Variants in LGMN observed in about 807,000 individuals in gnomAD.
LGMN encodes asparaginyl endopeptidase.
In LGMN, 36 loss-of-function variants were observed where a neutral mutation model predicts 56.8. The observed-to-expected ratio is 0.63, with a 90% CI of 0.49 to 0.84. LGMN has a LOEUF of 0.84. Ranked by LOEUF, LGMN falls within the 40% of genes least tolerant of loss-of-function variation. The pLI, the probability that LGMN is intolerant of heterozygous loss-of-function variation, is 0.00. For synonymous variants in LGMN, 199 were observed against 210.1 expected (o/e 0.95, Z 0.46); for missense variants, 446 against 556.1 (o/e 0.80, Z 1.99).
chr14:92,738,521 G>C (rs1159223159), intron 1 of LGMN, among the ~76,000 whole-genome samples: 1 of 151,236 alleles, frequency 6.6e-6, no homozygotes, highest in Admixed American at 6.6e-5. Context: ...CTCATGATCT[G>C]CCTGTCTCAG....
At chr14:92,705,221 G>A (rs1889365599) in intron 12 of LGMN, among the ~76,000 whole-genome samples, 1 of 152,190 alleles carries the variant, frequency 6.6e-6, no homozygotes, top group African/African-American at 2.4e-5. Flanking sequence ...CCAAGACTGG[G>A]CCGGGTGCGG....
rs545000732 is a variant in LGMN at position 92,719,380 on chromosome 14, G to A, written c.139-536C>T. Among the ~76,000 whole-genome samples the A allele has an allele frequency of 9.9e-4, 117 of 117,958 alleles. 2 individuals are homozygous for A. The highest frequency in any genetic ancestry group is 3.3e-3 in the East Asian group (10 of 3,060). The allele number at this position is 117,958 out of a possible 152,430, so 77.4% of individuals were successfully genotyped here. On this transcript the variant is annotated intron_variant, in intron 2 of 13. Coordinates refer to ENST00000334869, the MANE Select transcript of LGMN (RefSeq NM_005606.7). ...CAACACCACCACCACCACCAACACC[G>A]CCACCAACACCGCCACCAACACCGC...
intron 10 of LGMN, among the ~76,000 whole-genome samples, chr14:92,711,002 G>C (rs536064772): frequency 6.6e-6 from 1 of 152,342 alleles, no homozygotes; most frequent in African/African-American, 2.4e-5. Context: ...TCTCCGCTGG[G>C]GGTGGGCTTC....
chr14:92,716,153 G>A lies in LGMN; in HGVS notation c.387C>T (p.Ser129=), dbSNP rs753820004. ...GACATTACCTCTTCAGGACTTTGCC[G>A]GATCCTATGCCCTTCACTGCTTCTG... ...GDAEAVKGIG[S]GKVLKSGPQD... is the part of the protein sequence containing the mutation. Residue 129 remains serine (S), a synonymous_variant, in exon 5 of 14, where the codon TCC becomes TCT. Transcript: ENST00000334869. 1.5e-5 allele frequency: 24 copies of A among 1,611,720 alleles called. No individual in the cohort carries two copies. The highest frequency in any genetic ancestry group is 3.3e-5 in the Admixed American group (2 of 59,856).
chr14:92,706,032 C>T (rs1889412606), intron 12 of LGMN, among the ~76,000 whole-genome samples: 1 of 152,172 alleles, frequency 6.6e-6, no homozygotes, highest in Non-Finnish European at 1.5e-5. Flanking sequence ...ATGCTACTGA[C>T]CAGGAGGCTT....
At chr14:92,706,410 C>G in intron 12 of LGMN, 73 bp downstream of exon 12, 1 of 1,294,284 alleles carries the variant, frequency 7.7e-7, no homozygotes, top group Non-Finnish European at 1.0e-6. Context: ...GGTCGTACAA[C>G]CAATGTGACT....
intron 2 of LGMN, among the ~76,000 whole-genome samples, chr14:92,719,339 TCACC>T (rs1890328700): frequency 1.5e-5 from 1 of 66,568 alleles, no homozygotes. Context: ...GCCACCGCCA[TCACC>T]GCCACCACCA....
rs1242110 is a variant in LGMN, at chr14:92,725,936, A to G, written c.138+6713T>C. On this transcript the variant is annotated intron_variant, in intron 2 of 13. Coordinates refer to ENST00000334869, the MANE Select transcript of LGMN (RefSeq NM_005606.7). The stretch of plus-strand genomic sequence containing the variant: ...CAACATGGATTAATCTCAAAACACC[A>G]TAAGTTATGAGCTCATCTGACCGGG... Among the ~76,000 whole-genome samples, 586 of 152,198 alleles carry G rather than the reference A, an allele frequency of 3.9e-3. 4 individuals are homozygous for G. Among genetic ancestry groups the G allele is most frequent in the African/African-American group, 0.013 (522 of 41,538 alleles).
chr14:92,730,199 G>A (rs866382047), intron 2 of LGMN, among the ~76,000 whole-genome samples: 8 of 152,154 alleles, frequency 5.3e-5, no homozygotes, highest in Admixed American at 2.6e-4. Flanking sequence ...AGCTGTGTGC[G>A]CGGGCTGCTC....
chr14:92,715,150 C>T (rs1371640463), intron 5 of LGMN, among the ~76,000 whole-genome samples: 1 of 152,022 alleles, frequency 6.6e-6, no homozygotes, highest in Non-Finnish European at 1.5e-5. Flanking sequence ...AGGCACACGC[C>T]ACCACGCCTG....
intron 1 of LGMN, among the ~76,000 whole-genome samples, chr14:92,747,906 G>C (rs1891889344): frequency 6.6e-6 from 1 of 152,150 alleles, no homozygotes; most frequent in Non-Finnish European, 1.5e-5. Context: ...ATCAAATAGG[G>C]ACGGGAAAGG....
chr14:92,746,171 T>C (rs1213138885), intron 1 of LGMN, among the ~76,000 whole-genome samples: 2 of 152,216 alleles, frequency 1.3e-5, no homozygotes, highest in East Asian at 3.8e-4. Context: ...TGTCAAACTT[T>C]GCAATTCCTA....
At chr14:92,746,906 G>A (rs1317464473) in intron 1 of LGMN, among the ~76,000 whole-genome samples, 1 of 152,044 alleles carries the variant, frequency 6.6e-6, no homozygotes, top group Non-Finnish European at 1.5e-5. Flanking sequence ...CGTGGTGGCG[G>A]GCGCCTGTAG....
At position 92,714,551 on chromosome 14, in the gene LGMN, G is replaced by A; in HGVS notation, c.405-100C>T. On this transcript the variant is annotated intron_variant, in intron 5 of 13. Transcript: ENST00000334869. The surrounding 1 kb of genome is among the most constrained non-coding windows in gnomAD (Gnocchi z 5.1). ...ATCAAAAAATTAAGAAGTTTGGGGA[G>A]TAGAGTTGCCCAACCAGGTTTGAAG... 1.2e-6 allele frequency: 1 copy of A among 859,776 alleles called. No homozygotes were observed. The highest frequency in any genetic ancestry group is 1.7e-5 in the South Asian group (1 of 59,730). The allele number at this position is 859,776 out of a possible 1,614,324, so 53.3% of individuals were successfully genotyped here. A position where few individuals can be genotyped will look rare whatever the true frequency, so the allele number is the denominator to read the frequency against.
At chr14:92,704,399 C>A in intron 13 of LGMN, 38 bp from the exon 14 acceptor site, 1 of 1,517,912 alleles carries the variant, frequency 6.6e-7, no homozygotes, top group South Asian at 1.1e-5. Context: ...TGAACCGTGT[C>A]AACTCTGAAG....
At position 92,704,026 on chromosome 14, in the gene LGMN, C is replaced by T; in HGVS notation, c.*293G>A. 1 of 691,142 alleles carries T rather than the reference C, an allele frequency of 1.4e-6. No homozygotes were observed. The highest frequency in any genetic ancestry group is 2.7e-5 in the East Asian group (1 of 37,190). 42.8% of individuals were successfully genotyped at this position (691,142 alleles called of 1,614,324 possible). Reference sequence around the variant, plus strand: ...GAGGGGCTACAGAAGCCCCCATGAGCTTCCTGCTCCTCAAAACTAACAGGC... The same window carrying T: ...GAGGGGCTACAGAAGCCCCCATGAGTTTCCTGCTCCTCAAAACTAACAGGC... On this transcript the variant is annotated 3_prime_UTR_variant, in exon 14 of 14. Coordinates refer to ENST00000334869, the MANE Select transcript of LGMN (RefSeq NM_005606.7).
At chr14:92,704,836 C>A (rs1889345535) in intron 12 of LGMN, 129 bp from the exon 13 acceptor site, 2 of 737,630 alleles carry the variant, frequency 2.7e-6, no homozygotes, top group African/African-American at 3.4e-5. Flanking sequence ...TGGATCCTTT[C>A]CCAACCTTTA....
chr14:92,746,214 T>A (rs982608294), intron 1 of LGMN, among the ~76,000 whole-genome samples: 1 of 152,248 alleles, frequency 6.6e-6, no homozygotes, highest in African/African-American at 2.4e-5. Flanking sequence ...TAATTATAGT[T>A]TCAATGTGCA....
At chr14:92,739,982 G>A (rs1323413535) in intron 1 of LGMN, among the ~76,000 whole-genome samples, 1 of 152,178 alleles carries the variant, frequency 6.6e-6, no homozygotes, top group Non-Finnish European at 1.5e-5. Context: ...TGGGCACGGT[G>A]GCTCACGCCT....
Sources: gnomAD v4.1 joint callset for allele counts (sites outside exome capture counted in the v4.1 genomes callset) on GRCh38, gnomAD v4.1.1 for gene constraint, Gnocchi (gnomAD v3.1) non-coding constraint, MANE v1.5 for transcripts, NCBI Gene and HGNC (gene_info 2026-07-23, HGNC 2026-07-21) for gene names.